SUGCT: variants seen among roughly 807,000 people sequenced by gnomAD.
SUGCT encodes succinyl-CoA:glutarate-CoA transferase.
Under a neutral mutation model 55.0 loss-of-function variants are expected in SUGCT, and 41 were observed. That is an observed-to-expected ratio of 0.74 (90% CI 0.58 to 0.97). SUGCT has a LOEUF of 0.97. Ranked by LOEUF, SUGCT falls within the 50% of genes least tolerant of loss-of-function variation. The pLI is 0.00. For synonymous variants in SUGCT, 187 were observed against 200.4 expected (o/e 0.93, Z 0.56); for missense variants, 568 against 547.8 (o/e 1.04, Z -0.37).
intron 13 of SUGCT, among the ~76,000 whole-genome samples, chr7:40,790,864 C>G (rs533270367): frequency 1.3e-5 from 2 of 152,276 alleles, no homozygotes; most frequent in South Asian, 4.1e-4. Flanking sequence ...AAGCAATGAA[C>G]TAAATTACTT....
intron 9 of SUGCT, among the ~76,000 whole-genome samples, chr7:40,321,144 C>T (rs1193155706): frequency 5.0e-5 from 7 of 139,506 alleles, no homozygotes; most frequent in Admixed American, 8.1e-5. Context: ...GGTGCGATCT[C>T]GGCTCACTGC....
the SUGCT span, among the ~76,000 whole-genome samples, chr7:40,901,573 C>A: frequency 6.6e-6 from 1 of 152,220 alleles, no homozygotes; most frequent in African/African-American, 2.4e-5. Flanking sequence ...TGTTACCAAA[C>A]TGCCTTGATT....
At chr7:40,789,055 G>T (rs1242852456) in intron 13 of SUGCT, among the ~76,000 whole-genome samples, 1 of 151,890 alleles carries the variant, frequency 6.6e-6, no homozygotes, top group Middle Eastern at 3.2e-3. Flanking sequence ...TTCATCACTG[G>T]GATCCATCTA....
chr7:40,683,743 C>T (rs1260612921), intron 12 of SUGCT, among the ~76,000 whole-genome samples: 2 of 152,312 alleles, frequency 1.3e-5, no homozygotes, highest in East Asian at 1.9e-4. Flanking sequence ...CACTCTCAGA[C>T]GTTGTCACTT....
intron 12 of SUGCT, among the ~76,000 whole-genome samples, chr7:40,744,142 G>T (rs1327922154): frequency 6.6e-6 from 1 of 151,248 alleles, no homozygotes; most frequent in Non-Finnish European, 1.5e-5. Context: ...CGGCCAGGCT[G>T]GTCTTGAACT....
chr7:40,385,245 T>C (rs150663236), intron 9 of SUGCT, among the ~76,000 whole-genome samples: 1 of 152,292 alleles, frequency 6.6e-6, no homozygotes, highest in African/African-American at 2.4e-5. Context: ...GTTAGGATCA[T>C]GGGCTTTGGA....
chr7:40,182,406 A>C (rs1398770255), intron 3 of SUGCT, among the ~76,000 whole-genome samples: 1 of 152,008 alleles, frequency 6.6e-6, no homozygotes, highest in Non-Finnish European at 1.5e-5. Context: ...TTCTCTACTA[A>C]AAATACAAAA....
intron 13 of SUGCT, among the ~76,000 whole-genome samples, chr7:40,755,249 G>A (rs981646456): frequency 6.6e-6 from 1 of 152,160 alleles, no homozygotes; most frequent in African/African-American, 2.4e-5. Flanking sequence ...AGAAACCACC[G>A]GTTTAGCAGA....
At chr7:40,998,940 G>A in the SUGCT span, among the ~76,000 whole-genome samples, 1 of 151,948 alleles carries the variant, frequency 6.6e-6, no homozygotes, top group Non-Finnish European at 1.5e-5. Context: ...CACTGCAAAG[G>A]GATCACATTT....
intron 9 of SUGCT, among the ~76,000 whole-genome samples, chr7:40,340,193 A>T (rs190244189): frequency 2.8e-4 from 42 of 152,320 alleles, no homozygotes; most frequent in African/African-American, 9.6e-4. Flanking sequence ...CTGAAAAAAG[A>T]TTGTGCATAA....
At chr7:40,277,264 C>T (rs548942933) in intron 8 of SUGCT, among the ~76,000 whole-genome samples, 1 of 152,208 alleles carries the variant, frequency 6.6e-6, no homozygotes, top group South Asian at 2.1e-4. Flanking sequence ...CTCACTGCAA[C>T]TTCTGACTCC....
At chr7:40,962,963 A>G in the SUGCT span, among the ~76,000 whole-genome samples, 1 of 152,100 alleles carries the variant, frequency 6.6e-6, no homozygotes, top group Non-Finnish European at 1.5e-5. Flanking sequence ...CTCCCCTTAT[A>G]ATAATGTCGA....
intron 9 of SUGCT, among the ~76,000 whole-genome samples, chr7:40,326,281 TAA>T (rs904110618): frequency 3.4e-4 from 51 of 152,204 alleles, no homozygotes; most frequent in African/African-American, 1.2e-3. Context: ...CCTGGAGAAT[TAA>T]AAGAGATCAT....
At chr7:40,673,187 C>T (rs1386184895) in intron 12 of SUGCT, among the ~76,000 whole-genome samples, 5 of 152,150 alleles carry the variant, frequency 3.3e-5, no homozygotes, top group Non-Finnish European at 5.9e-5. Context: ...AATCTCCATC[C>T]TCCATGTCTG....
chr7:40,768,986 G>A (rs761430724), intron 13 of SUGCT, among the ~76,000 whole-genome samples: 24 of 152,134 alleles, frequency 1.6e-4, no homozygotes, highest in Admixed American at 3.9e-4. Context: ...CTACAGTGGT[G>A]AATGTAGAGA....
intron 12 of SUGCT, among the ~76,000 whole-genome samples, chr7:40,512,752 T>C (rs142157124): frequency 1.3e-5 from 2 of 152,102 alleles, no homozygotes; most frequent in Middle Eastern, 3.4e-3. Context: ...ATAGAAATGG[T>C]AAGTGTGAAA....
At chr7:40,346,131 GC>G (rs1306311194) in intron 9 of SUGCT, among the ~76,000 whole-genome samples, 1 of 151,866 alleles carries the variant, frequency 6.6e-6, no homozygotes, top group Non-Finnish European at 1.5e-5. Flanking sequence ...TATATTAAAA[GC>G]TTGGTAGAGA....
intron 12 of SUGCT, among the ~76,000 whole-genome samples, chr7:40,722,450 C>T (rs976446084): frequency 1.3e-5 from 2 of 152,276 alleles, no homozygotes; most frequent in East Asian, 1.9e-4. Flanking sequence ...CATTTAAATG[C>T]TCCTTGGGAA....
chr7:40,163,461 C>T (rs567845889), intron 1 of SUGCT, among the ~76,000 whole-genome samples: 176 of 151,924 alleles, frequency 1.2e-3, no homozygotes, highest in African/African-American at 3.9e-3. Context: ...AAAAATTAGC[C>T]GGGCGTGGTG....
Sources: gnomAD v4.1 joint callset for allele counts (sites outside exome capture counted in the v4.1 genomes callset) on GRCh38, gnomAD v4.1.1 for gene constraint, MANE v1.5 for transcripts, NCBI Gene and HGNC (gene_info 2026-07-23, HGNC 2026-07-21) for gene names.